MYO9B: variants seen among roughly 807,000 people sequenced by gnomAD.
MYO9B encodes the protein unconventional myosin-IXb.
MYO9B carries 71 observed loss-of-function variants against 229.5 expected under a neutral mutation model. The ratio of observed to expected loss-of-function variants is 0.31; its 90% CI spans 0.26 to 0.38. The LOEUF is 0.38. MYO9B is among the 10% of genes least tolerant of loss of function. MYO9B has a pLI of 1.00. For synonymous variants in MYO9B, 1,185 were observed against 1,235.8 expected, an observed-to-expected ratio of 0.96 and a Z score of 0.86; for missense variants, 2,255 against 2,920.5, an observed-to-expected ratio of 0.77 and a Z score of 5.25.
chr19:17,179,562 G>A (rs149386471), intron 14 of MYO9B, among the ~76,000 whole-genome samples: 36 of 151,378 alleles, frequency 2.4e-4, no homozygotes, highest in African/African-American at 8.5e-4. Context: ...GAGTGACTGG[G>A]ACTACAGGCA....
chr19:17,106,299 C>T (rs185231274), intron 2 of MYO9B, among the ~76,000 whole-genome samples: 5 of 152,224 alleles, frequency 3.3e-5, no homozygotes, highest in South Asian at 4.1e-4. Context: ...ATACCCAGAC[C>T]GCCCGTTCAT....
At chr19:17,162,064 G>C (rs2072609151) in intron 8 of MYO9B, among the ~76,000 whole-genome samples, 1 of 151,776 alleles carries the variant, frequency 6.6e-6, no homozygotes, top group Admixed American at 6.6e-5. Flanking sequence ...CCAGGACTTT[G>C]GGAGGTCAAG....
At chr19:17,145,906 G>T (rs1481098464) in intron 3 of MYO9B, among the ~76,000 whole-genome samples, 1 of 152,162 alleles carries the variant, frequency 6.6e-6, no homozygotes, top group Admixed American at 6.6e-5. Flanking sequence ...AAATACTGAA[G>T]GGTGGGTGGG....
At chr19:17,127,623 C>A (rs2145156875) in intron 2 of MYO9B, among the ~76,000 whole-genome samples, 1 of 152,290 alleles carries the variant, frequency 6.6e-6, no homozygotes, top group East Asian at 1.9e-4. Context: ...GCCACCATAC[C>A]CAGCCCCCTA....
intron 10 of MYO9B, among the ~76,000 whole-genome samples, chr19:17,166,403 C>T (rs1185735851): frequency 1.3e-5 from 2 of 152,032 alleles, no homozygotes; most frequent in South Asian, 2.1e-4. Flanking sequence ...ATTCTTGTTT[C>T]CTGTTTACAA....
chr19:17,171,888 C>T (rs1296807524), intron 11 of MYO9B, among the ~76,000 whole-genome samples: 1 of 152,176 alleles, frequency 6.6e-6, no homozygotes, highest in African/African-American at 2.4e-5. Flanking sequence ...GAGCTGTGAT[C>T]GTACCACTAC....
chr19:17,177,820 T>C (rs533286730), intron 14 of MYO9B: 1 of 152,770 alleles, frequency 6.5e-6, no homozygotes, highest in South Asian at 2.1e-4. Context: ...GATTTCTCAT[T>C]TGACGGCTCT....
intron 1 of MYO9B, among the ~76,000 whole-genome samples, chr19:17,080,013 T>G (rs1456424578): frequency 6.6e-6 from 1 of 152,192 alleles, no homozygotes; most frequent in Non-Finnish European, 1.5e-5. Flanking sequence ...GTTTCAGAAA[T>G]GCAGCTGACG....
At position 17,195,201 on chromosome 19, in the gene MYO9B, C is replaced by A; in HGVS notation, c.3774C>A (p.Ser1258Arg). The change falls in exon 22 of 40, where the codon AGC (serine) becomes AGA (arginine). Residue 1258 changes from serine to arginine, a missense_variant. Around this residue, in one of 7 missense-constraint regions of MYO9B, gnomAD observed 679 missense variants for 770.2 expected, o/e 0.88. Transcript: ENST00000682292. This position sits in a 1 kb window ranked among gnomAD's most constrained non-coding sequence, Gnocchi z 4.5. ...GGCCGACCAGCCTGGCCCTGGACAG[C>A]AGGGTCAGCCCACCGGCCCCTGGCA... ...LERPTSLALD[S>R]RVSPPAPGSA... 1 of 1,611,844 alleles carries A rather than the reference C, an allele frequency of 6.2e-7. No homozygotes were observed. The highest frequency in any genetic ancestry group is 8.5e-7 in the Non-Finnish European group (1 of 1,179,588).
At chr19:17,180,784 G>T (rs2072850217) in intron 14 of MYO9B, 143 bp from the exon 15 acceptor site, 2 of 589,812 alleles carry the variant, frequency 3.4e-6, no homozygotes, top group South Asian at 4.2e-5. Flanking sequence ...GCAGCATTGA[G>T]CACAGTGTCT....
At position 17,194,630 on chromosome 19, in the gene MYO9B, G is replaced by T; in HGVS notation, c.3203G>T (p.Gly1068Val). The T allele has an allele frequency of 6.2e-7, 1 of 1,612,864 alleles. No homozygotes were observed. ...EREALEAARA[G>V]AEEGGQGQAA... Reference sequence around the variant, plus strand: ...GAAGCCCTGGAAGCCGCAAGAGCAGGTGCTGAGGAGGGCGGACAGGGTCAG... The same window carrying T: ...GAAGCCCTGGAAGCCGCAAGAGCAGTTGCTGAGGAGGGCGGACAGGGTCAG... The change falls in exon 22 of 40, where the codon GGT becomes GTT. Residue 1068 changes from glycine to valine, a missense_variant. Physicochemically the swap from Gly to Val is moderately radical, Grantham distance 109. Coordinates refer to ENST00000682292, the MANE Select transcript of MYO9B (RefSeq NM_004145.4).
At chr19:17,085,492 G>C (rs570127252) in intron 1 of MYO9B, among the ~76,000 whole-genome samples, 1 of 152,048 alleles carries the variant, frequency 6.6e-6, no homozygotes, top group Non-Finnish European at 1.5e-5. Flanking sequence ...AGTGGGATAG[G>C]TGATAGCTAA....
intron 29 of MYO9B, 34 bp downstream of exon 29, chr19:17,202,917 A>G (rs1487115162): frequency 6.3e-7 from 1 of 1,589,082 alleles, no homozygotes; most frequent in East Asian, 2.3e-5. Context: ...GAGTCCGAGC[A>G]GGCGAACATT....
chr19:17,112,313 C>A (rs2057855048), intron 2 of MYO9B, among the ~76,000 whole-genome samples: 1 of 152,212 alleles, frequency 6.6e-6, no homozygotes, highest in South Asian at 2.1e-4. Flanking sequence ...TGGGAGGAAG[C>A]AAGAAGGGGG....
chr19:17,132,053 C>A (rs115459629), intron 2 of MYO9B, among the ~76,000 whole-genome samples: 2,162 of 151,018 alleles, frequency 0.014, 57 homozygotes, highest in African/African-American at 0.049. Context: ...CTATTTTTTT[C>A]TTTTTTGTAG....
At chr19:17,190,339 G>A (rs991193799) in intron 19 of MYO9B, among the ~76,000 whole-genome samples, 8 of 151,500 alleles carry the variant, frequency 5.3e-5, no homozygotes, top group Non-Finnish European at 8.8e-5. Flanking sequence ...GGTTACAGGC[G>A]CCTGCCACCA....
At chr19:17,123,491 A>C (rs2057985639) in intron 2 of MYO9B, among the ~76,000 whole-genome samples, 1 of 150,348 alleles carries the variant, frequency 6.7e-6, no homozygotes, top group Non-Finnish European at 1.5e-5. Flanking sequence ...CCCAGGCTGG[A>C]GTGCGGTGGC....
chr19:17,184,963 AC>A lies in MYO9B; in HGVS notation c.2474del (p.Pro825GlnfsTer100), dbSNP rs1479750639. 6.2e-7 allele frequency: 1 copy of A among 1,613,838 alleles called. No homozygotes were observed. Among genetic ancestry groups the A allele is most frequent in the Non-Finnish European group, 8.5e-7 (1 of 1,179,862 alleles). ...LLHLHKKKKP[P>X]SISAQFQTSL... ...TGCACCTGCACAAGAAGAAAAAGCCACCAAGCATCAGCGCCCAGTTCCAGGT... is the reference window on the plus strand; with the variant it reads ...TGCACCTGCACAAGAAGAAAAAGCCACAAGCATCAGCGCCCAGTTCCAGGT... On this transcript the variant is annotated frameshift_variant, in exon 17 of 40. Transcript: ENST00000682292. LOFTEE classifies it high-confidence loss of function.
At position 17,210,368 on chromosome 19, in the gene MYO9B, T is replaced by C. The variant is rs1243498734; in HGVS notation, c.5784T>C (p.Tyr1928=). Residue 1928 remains tyrosine, a synonymous_variant, in exon 37 of 40, where the codon TAT becomes TAC. Coordinates refer to ENST00000682292, the MANE Select transcript of MYO9B (RefSeq NM_004145.4). The part of the protein sequence containing the change: ...WPLKLGFSSP[Y]EGVLNKSPKT... ...TCAAACTGGGGTTTTCGTCTCCCTA[T>C]GAGGGGGTCCTGGTATGTACGCGTT... The C allele has an allele frequency of 1.9e-6, 3 of 1,598,804 alleles. No homozygotes were observed. Among genetic ancestry groups the C allele is most frequent in the South Asian group, 1.1e-5 (1 of 88,206 alleles).
Sources: allele counts gnomAD v4.1 joint callset (sites outside exome capture counted in the v4.1 genomes callset), GRCh38; gene constraint gnomAD v4.1.1; regional missense constraint gnomAD v4.1.1; non-coding constraint Gnocchi (gnomAD v3.1); transcripts MANE v1.5; gene names NCBI Gene and HGNC (gene_info 2026-07-23, HGNC 2026-07-21).